The following A4GALT variants were observed in gnomAD, a reference collection of about 807,000 sequenced individuals.
A4GALT encodes lactosylceramide 4-alpha-galactosyltransferase.
For synonymous variants in A4GALT, 257 were observed against 220.7 expected (o/e 1.16, Z -1.46); for missense variants, 512 against 486.0 (o/e 1.05, Z -0.50).
At chr22:42,701,030 C>T (rs1208264089) in intron 1 of A4GALT, among the ~76,000 whole-genome samples, 1 of 152,204 alleles carries the variant, frequency 6.6e-6, no homozygotes, top group Non-Finnish European at 1.5e-5. Flanking sequence ...CATCCCTGTC[C>T]CATGGTCATA....
In A4GALT at chr22:42,693,674, A is replaced by G. The variant is rs1569028689; in HGVS notation, c.278T>C (p.Leu93Pro). 1.2e-5 allele frequency: 17 copies of G among 1,464,586 alleles called. No homozygotes were observed. The highest frequency in any genetic ancestry group is 1.6e-5 in the Non-Finnish European group (17 of 1,091,796). The allele number at this position is 1,464,586 out of a possible 1,614,324, so 90.7% of individuals were successfully genotyped here. ...GGCCGACTCCACCGAGCACATGAAC[A>G]GGAAGTTGGGGTTGGTCCGGTCTGA... is the stretch of plus-strand genomic sequence containing the variant. Reference protein sequence around the residue: ...ETSDRTNPNFLFMCSVESAAR... With the variant: ...ETSDRTNPNFPFMCSVESAAR... Residue 93 changes from leucine to proline, a missense_variant, in exon 3 of 3, where the codon CTG (leucine) becomes CCG (proline). By Grantham distance (98) the Leu-to-Pro change is moderately conservative (BLOSUM62 -3). Coordinates refer to ENST00000642412, the MANE Select transcript of A4GALT (RefSeq NM_017436.7).
chr22:42,697,061 T>A (rs1930985743), intron 1 of A4GALT, among the ~76,000 whole-genome samples: 1 of 152,016 alleles, frequency 6.6e-6, no homozygotes, highest in African/African-American at 2.4e-5. Context: ...GTCTAGAACA[T>A]AACCCCATGA....
chr22:42,703,885 C>T (rs1391397765), intron 1 of A4GALT, among the ~76,000 whole-genome samples: 2 of 152,122 alleles, frequency 1.3e-5, no homozygotes, highest in Admixed American at 1.3e-4. Flanking sequence ...AATTCAAATC[C>T]AGGCCCTGCC....
At chr22:42,709,936 C>T (rs1921532365) in intron 1 of A4GALT, among the ~76,000 whole-genome samples, 1 of 152,042 alleles carries the variant, frequency 6.6e-6, no homozygotes, top group South Asian at 2.1e-4. Flanking sequence ...ATCATCATCC[C>T]CAGTGACACC....
intron 1 of A4GALT, among the ~76,000 whole-genome samples, chr22:42,701,620 T>C (rs561530745): frequency 6.6e-6 from 1 of 152,336 alleles, no homozygotes; most frequent in East Asian, 1.9e-4. Context: ...TGAGAACACC[T>C]GCTGTCCTGT....
At chr22:42,703,106 CTGTGTGTGTGTGTG>C (rs3985930) in intron 1 of A4GALT, among the ~76,000 whole-genome samples, 6 of 134,034 alleles carry the variant, frequency 4.5e-5, no homozygotes, top group Admixed American at 7.2e-5. Flanking sequence ...TGCTGCCCCA[CTGTGTGTGTGTGTG>C]TGTGTGTGTG....
In A4GALT at chr22:42,693,314, C is replaced by A; in HGVS notation, c.638G>T (p.Arg213Leu). ...CAGGAACGCGCCGTTGAGGACGTAGCGGGACTGGGTGCCCAGCACGTTGGT... is the reference window on the plus strand; with the variant it reads ...CAGGAACGCGCCGTTGAGGACGTAGAGGGACTGGGTGCCCAGCACGTTGGT... ...NLTNVLGTQS[R>L]YVLNGAFLAF... The change falls in exon 3 of 3, where the codon CGC (arginine) becomes CTC (leucine). Residue 213 changes from arginine (R) to leucine (L), a missense_variant. By Grantham distance (102) the Arg-to-Leu change is moderately radical. Transcript: ENST00000642412. 1 of 1,613,098 alleles carries A rather than the reference C, an allele frequency of 6.2e-7. No individual in the cohort carries two copies.
chr22:42,697,327 G>A (rs367599615), intron 1 of A4GALT, among the ~76,000 whole-genome samples: 2 of 152,096 alleles, frequency 1.3e-5, no homozygotes, highest in Non-Finnish European at 2.9e-5. Flanking sequence ...CCTGGGATGC[G>A]GGTAGCAAGG....
chr22:42,693,342 G>A lies in A4GALT; in HGVS notation c.610C>T (p.Leu204=), dbSNP rs1218186713. ...DFIVLKNLRN[L]TNVLGTQSRY... is the part of the protein sequence containing the mutation. Reference sequence around the variant, plus strand: ...GACTGGGTGCCCAGCACGTTGGTCAGGTTCCGCAGGTTCTTGAGAACAATG... The same window carrying A: ...GACTGGGTGCCCAGCACGTTGGTCAAGTTCCGCAGGTTCTTGAGAACAATG... The change falls in exon 3 of 3, where the codon CTG becomes TTG. Residue 204 remains leucine, a synonymous_variant. Transcript: ENST00000642412. The A allele has an allele frequency of 6.2e-7, 1 of 1,613,106 alleles. No homozygotes were observed. The highest frequency in any genetic ancestry group is 1.3e-5 in the African/African-American group (1 of 74,938).
intron 1 of A4GALT, among the ~76,000 whole-genome samples, chr22:42,696,889 G>T (rs890019774): frequency 3.3e-5 from 5 of 151,014 alleles, no homozygotes; most frequent in African/African-American, 7.3e-5. Context: ...CTGCTTGGAG[G>T]GTTCTTCTCT....
chr22:42,703,615 C>T (rs73174925), intron 1 of A4GALT, among the ~76,000 whole-genome samples: 3,945 of 152,222 alleles, frequency 0.026, 66 homozygotes, highest in Non-Finnish European at 0.04. Flanking sequence ...CCTTGGCCCA[C>T]TCAGCAGTGA....
At chr22:42,709,676 G>T (rs1921505991) in intron 1 of A4GALT, among the ~76,000 whole-genome samples, 1 of 152,072 alleles carries the variant, frequency 6.6e-6, no homozygotes, top group African/African-American at 2.4e-5. Context: ...TGTAATCCCA[G>T]CTACTTAGGA....
intron 1 of A4GALT, among the ~76,000 whole-genome samples, chr22:42,709,035 A>G (rs1365943051): frequency 2.2e-5 from 3 of 138,790 alleles, no homozygotes; most frequent in Admixed American, 1.5e-4. Flanking sequence ...GAACATATAG[A>G]AAGGAAAATT....
intron 1 of A4GALT, among the ~76,000 whole-genome samples, chr22:42,714,078 C>T (rs1260258651): frequency 1.3e-5 from 2 of 151,460 alleles, no homozygotes; most frequent in East Asian, 1.9e-4. Flanking sequence ...AATCTTGAGG[C>T]CAAGAGTTGC....
At chr22:42,694,185 C>G (rs1930750806) in intron 2 of A4GALT, among the ~76,000 whole-genome samples, 188 bp from the exon 3 acceptor site, 1 of 152,254 alleles carries the variant, frequency 6.6e-6, no homozygotes, top group African/African-American at 2.4e-5. Flanking sequence ...GCACAGTGGG[C>G]CATGGACTGG....
intron 1 of A4GALT, among the ~76,000 whole-genome samples, chr22:42,710,134 C>T (rs1479397848): frequency 6.6e-6 from 1 of 152,154 alleles, no homozygotes; most frequent in Non-Finnish European, 1.5e-5. Context: ...CCACCACCAT[C>T]ACTATACTGG....
At chr22:42,710,761 C>A (rs1921618520) in intron 1 of A4GALT, among the ~76,000 whole-genome samples, 1 of 151,806 alleles carries the variant, frequency 6.6e-6, no homozygotes, top group African/African-American at 2.4e-5. Flanking sequence ...GTGGCTGACG[C>A]CTATAATCCT....
At chr22:42,704,326 A>T (rs2146997294) in intron 1 of A4GALT, among the ~76,000 whole-genome samples, 1 of 152,136 alleles carries the variant, frequency 6.6e-6, no homozygotes, top group Middle Eastern at 3.4e-3. Flanking sequence ...ACTAAAAAAT[A>T]CAAAAATTAA....
chr22:42,697,343 G>T lies in A4GALT; in HGVS notation c.-187-1712C>A, dbSNP rs559107526. ...CTGGGATGCGGGTAGCAAGGACAGG[G>T]CTGTGGTGTGAACCAAGACATGGTG... On this transcript the variant is annotated intron_variant, in intron 1 of 2. Transcript: ENST00000642412. 3.9e-5 allele frequency among the ~76,000 whole-genome samples: 6 copies of T among 152,258 alleles called. No homozygotes were observed. In the East Asian group the frequency reaches 1.2e-3, roughly 29 times the overall value.
Sources: gnomAD v4.1 joint callset for allele counts (sites outside exome capture counted in the v4.1 genomes callset) on GRCh38, gnomAD v4.1.1 for gene constraint, MANE v1.5 for transcripts, NCBI Gene and HGNC (gene_info 2026-07-23, HGNC 2026-07-21) for gene names.